The following BACH1 variants were observed in gnomAD, a reference collection of about 807,000 sequenced individuals.
BACH1 encodes transcription regulator protein BACH1.
Under a neutral mutation model 52.9 loss-of-function variants are expected in BACH1, and 35 were observed. The observed-to-expected ratio is 0.66, with a 90% confidence interval of 0.51 to 0.88. The LOEUF is 0.88. Among genes scored for constraint, BACH1 ranks in the 40% least tolerant of loss-of-function variants. The pLI, the probability that BACH1 is intolerant of heterozygous loss-of-function variation, is 0.00. For synonymous variants in BACH1, 321 were observed against 319.6 expected (o/e 1.00, Z -0.05); for missense variants, 808 against 872.6 (o/e 0.93, Z 0.93).
chr21:29,354,046 A>G (rs928445881), intron 2 of BACH1, among the ~76,000 whole-genome samples: 1 of 152,246 alleles, frequency 6.6e-6, no homozygotes, highest in African/African-American at 2.4e-5. Context: ...GGGATTGCTC[A>G]TGGTCAACCA....
At chr21:29,357,427 C>T (rs1437972914) in intron 2 of BACH1, among the ~76,000 whole-genome samples, 1 of 152,160 alleles carries the variant, frequency 6.6e-6, no homozygotes, top group Non-Finnish European at 1.5e-5. Flanking sequence ...AGAAAAGTGG[C>T]AGGGTTGAGG....
At chr21:29,307,992 T>A (rs1421841308) in intron 1 of BACH1, among the ~76,000 whole-genome samples, 1 of 152,222 alleles carries the variant, frequency 6.6e-6, no homozygotes, top group East Asian at 1.9e-4. Context: ...CTGGTATTAG[T>A]TTTTTGGATA....
At chr21:29,319,567 C>T (rs2123431923) in intron 1 of BACH1, among the ~76,000 whole-genome samples, 1 of 151,776 alleles carries the variant, frequency 6.6e-6, no homozygotes, top group Admixed American at 6.6e-5. Context: ...GAGCCTGCGA[C>T]TGCACATTGT....
At chr21:29,329,301 A>G (rs2088953806) in intron 3 of BACH1, among the ~76,000 whole-genome samples, 186 bp from the exon 4 acceptor site, 1 of 152,112 alleles carries the variant, frequency 6.6e-6, no homozygotes, top group South Asian at 2.1e-4. Context: ...CCCTGTCTCC[A>G]AAAAAATATG....
rs200422810 is a variant in BACH1 at position 29,326,091 on chromosome 21, G to T, written c.267G>T (p.Gln89His). The T allele has an allele frequency of 6.2e-7, 1 of 1,610,554 alleles. No homozygotes were observed. The highest frequency in any genetic ancestry group is 2.2e-5 in the East Asian group (1 of 44,844). Residue 89 changes from glutamine to histidine, a missense_variant, in exon 3 of 5, where the codon CAG (glutamine) becomes CAT (histidine). Physicochemically the swap from Gln to His is conservative, Grantham distance 24. Coordinates refer to ENST00000286800, the MANE Select transcript of BACH1 (RefSeq NM_001186.4). ...VTVKGFEPLIQFAYTAKLILS... is the reference protein window; with the variant it reads ...VTVKGFEPLIHFAYTAKLILS... Reference sequence around the variant, plus strand: ...TTAAAGGATTTGAACCTTTAATTCAGTTTGCCTACACTGCTAAACTGATTT... The same window carrying T: ...TTAAAGGATTTGAACCTTTAATTCATTTTGCCTACACTGCTAAACTGATTT...
Position 29,322,435 on chromosome 21 carries a change from G to A in BACH1, c.234+921G>A, listed in dbSNP as rs2123437972. 2.6e-5 allele frequency among the ~76,000 whole-genome samples: 4 copies of A among 152,242 alleles called. 1 individual carries two copies. The highest frequency in any genetic ancestry group is 2.6e-4 in the Admixed American group (4 of 15,288). On this transcript the variant is annotated intron_variant, in intron 2 of 4. Coordinates refer to ENST00000286800, the MANE Select transcript of BACH1 (RefSeq NM_001186.4). ...ACATCTTTTTCTCTGGTCTGTTGTG[G>A]AGCTCAGGCTAACAAATATTTGGGT...
intron 1 of BACH1, among the ~76,000 whole-genome samples, chr21:29,307,625 T>C (rs1028508963): frequency 6.6e-6 from 1 of 152,222 alleles, no homozygotes; most frequent in Non-Finnish European, 1.5e-5. Flanking sequence ...TGTTGTATTT[T>C]ATTATTGTTA....
rs1299437517 is a variant in BACH1 at position 29,343,554 on chromosome 21, GTC to G, written c.*725_*726del. On this transcript the variant is annotated 3_prime_UTR_variant, in exon 5 of 5. Transcript: ENST00000286800. ...CTTTCCCTCCCTGCCCCCCGCTTCA[GTC>G]TCTACCATATCTGGTCCCATCATGG... 1.3e-5 allele frequency: 2 copies of G among 152,304 alleles called. No individual in the cohort carries two copies. 9.4% of individuals were successfully genotyped at this position (152,304 alleles called of 1,614,324 possible). A position where few individuals can be genotyped will look rare whatever the true frequency, so the allele number is the denominator to read the frequency against.
At chr21:29,337,050 T>A (rs2089053696) in intron 4 of BACH1, among the ~76,000 whole-genome samples, 1 of 152,196 alleles carries the variant, frequency 6.6e-6, no homozygotes, top group Admixed American at 6.5e-5. Flanking sequence ...TCTGATTCAA[T>A]TTGTTAGGAT....
rs747087328 is a variant in BACH1 at position 29,321,362 on chromosome 21, C to G, written c.82C>G (p.Arg28Gly). 6.2e-7 allele frequency: 1 copy of G among 1,614,066 alleles called. No individual in the cohort carries two copies. Among genetic ancestry groups the G allele is most frequent in the Non-Finnish European group, 8.5e-7 (1 of 1,180,038 alleles). ...TNVLLSLNDQ[R>G]KKDVLCDVTI... ...TGTTTTACTCAGCCTTAATGACCAG[C>G]GGAAGAAAGATGTGCTGTGCGATGT... The change falls in exon 2 of 5, where the codon CGG (arginine) becomes GGG (glycine). Residue 28 changes from arginine to glycine, a missense_variant. Coordinates refer to ENST00000286800, the MANE Select transcript of BACH1 (RefSeq NM_001186.4).
chr21:29,304,404 C>T (rs943321683), intron 1 of BACH1, among the ~76,000 whole-genome samples: 4 of 152,140 alleles, frequency 2.6e-5, no homozygotes, highest in Non-Finnish European at 4.4e-5. Context: ...AGATTACAGG[C>T]GTGAGCCACT....
chr21:29,332,542 C>T (rs2088996578), intron 4 of BACH1, among the ~76,000 whole-genome samples: 1 of 152,156 alleles, frequency 6.6e-6, no homozygotes, highest in Non-Finnish European at 1.5e-5. Context: ...ATAGGTACCT[C>T]TCATTTAGAA....
chr21:29,324,006 C>T (rs2088879058), intron 2 of BACH1, among the ~76,000 whole-genome samples: 1 of 152,106 alleles, frequency 6.6e-6, no homozygotes, highest in Non-Finnish European at 1.5e-5. Flanking sequence ...AATCCCAGCA[C>T]TTTGGGAGGG....
chr21:29,300,785 C>CCCTT (rs1569004353), intron 1 of BACH1: 1 of 152,136 alleles, frequency 6.6e-6, no homozygotes, highest in African/African-American at 2.4e-5. Context: ...TTTCTCATGG[C>CCCTT]CCTTGGCTTT....
At chr21:29,332,649 A>G (rs555950246) in intron 4 of BACH1, among the ~76,000 whole-genome samples, 1 of 152,284 alleles carries the variant, frequency 6.6e-6, no homozygotes, top group South Asian at 2.1e-4. Context: ...TTCGCTCTCT[A>G]TCCGAGAGTG....
At chr21:29,351,488 T>C in intron 2 of BACH1, 1 of 394,942 alleles carries the variant, frequency 2.5e-6, no homozygotes. Context: ...ACAGGACTAC[T>C]ATTAAAACCT....
intron 4 of BACH1, among the ~76,000 whole-genome samples, chr21:29,331,950 G>C (rs1214936561): frequency 6.6e-6 from 1 of 151,992 alleles, no homozygotes; most frequent in African/African-American, 2.4e-5. Flanking sequence ...ACCCAGGCTG[G>C]AATGCAGTGG....
chr21:29,317,459 T>C (rs910354610), intron 1 of BACH1, among the ~76,000 whole-genome samples: 4 of 152,082 alleles, frequency 2.6e-5, no homozygotes, highest in Non-Finnish European at 5.9e-5. Context: ...GAAGTCCAGA[T>C]AGTGGCCACA....
chr21:29,323,391 A>G (rs910639195), intron 2 of BACH1, among the ~76,000 whole-genome samples: 2 of 152,218 alleles, frequency 1.3e-5, no homozygotes, highest in Admixed American at 1.3e-4. Context: ...CCAAAGGCCC[A>G]AGAGCCCTCG....
Sources: gnomAD v4.1 joint callset for allele counts (sites outside exome capture counted in the v4.1 genomes callset) on GRCh38, gnomAD v4.1.1 for gene constraint, MANE v1.5 for transcripts, NCBI Gene and HGNC (gene_info 2026-07-23, HGNC 2026-07-21) for gene names.